The following TAS1R2 variants were observed in gnomAD, a reference collection of about 807,000 sequenced individuals.
TAS1R2 encodes the protein taste receptor type 1 member 2.
TAS1R2 carries 47 observed loss-of-function variants against 49.3 expected under a neutral mutation model. The ratio of observed to expected loss-of-function variants is 0.95; its 90% CI spans 0.75 to 1.22. TAS1R2 has a LOEUF of 1.22. Among genes scored for constraint, TAS1R2 ranks in the 50% most tolerant of loss-of-function variants. The probability of loss-of-function intolerance (pLI) is 0.00; values close to 1 mark genes in which losing one functional copy is unlikely to be tolerated. For missense variants in TAS1R2, 1,155 were observed against 1,122.1 expected, an observed-to-expected ratio of 1.03 and a Z score of -0.42; for synonymous variants, 479 against 467.9, an observed-to-expected ratio of 1.02 and a Z score of -0.31.
At chr1:18,842,047 T>C (rs1356667738) in intron 4 of TAS1R2, among the ~76,000 whole-genome samples, 195 bp from the exon 5 acceptor site, 2 of 151,968 alleles carry the variant, frequency 1.3e-5, no homozygotes, top group Non-Finnish European at 2.9e-5. Context: ...TTCTGAAATA[T>C]GCTCAGAGCA....
intron 1 of TAS1R2, 32 bp from the exon 2 acceptor site, chr1:18,857,663 C>G (rs754796967): frequency 6.3e-7 from 1 of 1,595,718 alleles, no homozygotes; most frequent in Non-Finnish European, 8.5e-7. Context: ...GAGGTGGAAG[C>G]AGATCCAGAA....
chr1:18,852,888 T>C (rs1266510756), intron 3 of TAS1R2, among the ~76,000 whole-genome samples: 1 of 152,238 alleles, frequency 6.6e-6, no homozygotes, highest in African/African-American at 2.4e-5. Flanking sequence ...TTATTAACTG[T>C]CCTCATCTCC....
intron 3 of TAS1R2, among the ~76,000 whole-genome samples, chr1:18,852,012 A>G (rs1275343447): frequency 6.6e-6 from 1 of 152,250 alleles, no homozygotes; most frequent in Admixed American, 6.5e-5. Context: ...TGTCCGGCAC[A>G]TAAGTGCCCA....
intron 4 of TAS1R2, among the ~76,000 whole-genome samples, chr1:18,843,208 G>T (rs1384509469): frequency 3.3e-5 from 5 of 152,194 alleles, no homozygotes; most frequent in Non-Finnish European, 7.3e-5. Context: ...GCTGGTCTAT[G>T]ATATTCATGA....
intron 1 of TAS1R2, among the ~76,000 whole-genome samples, chr1:18,857,870 A>T (rs757096102): frequency 6.6e-6 from 1 of 151,922 alleles, no homozygotes; most frequent in Non-Finnish European, 1.5e-5. Context: ...CATCACTACT[A>T]TCCCTATAAC....
chr1:18,851,919 G>A (rs1277383714), intron 3 of TAS1R2, among the ~76,000 whole-genome samples: 5 of 152,186 alleles, frequency 3.3e-5, no homozygotes, highest in Admixed American at 6.5e-5. Flanking sequence ...CTGTGTATGG[G>A]ACAGCAACCG....
intron 3 of TAS1R2, among the ~76,000 whole-genome samples, chr1:18,850,899 G>A (rs757882604): frequency 3.3e-5 from 5 of 152,146 alleles, no homozygotes; most frequent in African/African-American, 7.2e-5. Flanking sequence ...GCCAGCACTC[G>A]GTGTCAGAGA....
At chr1:18,853,045 G>A (rs1307198758) in intron 3 of TAS1R2, among the ~76,000 whole-genome samples, 1 of 152,236 alleles carries the variant, frequency 6.6e-6, no homozygotes, top group Non-Finnish European at 1.5e-5. Flanking sequence ...GCTCCTGCCA[G>A]TTGCAGCTGG....
At chr1:18,841,705 G>C in intron 5 of TAS1R2, 24 bp downstream of exon 5, 1 of 1,605,794 alleles carries the variant, frequency 6.2e-7, no homozygotes, top group Non-Finnish European at 8.5e-7. Flanking sequence ...GGCAGGGCAG[G>C]AGTGCTAGGC....
At chr1:18,843,252 A>G (rs1933858801) in intron 4 of TAS1R2, among the ~76,000 whole-genome samples, 1 of 152,242 alleles carries the variant, frequency 6.6e-6, no homozygotes, top group Non-Finnish European at 1.5e-5. Context: ...AGTAGAAAGT[A>G]GCAAGCACTT....
At chr1:18,858,293 C>G (rs1934177458) in intron 1 of TAS1R2, 1 of 152,080 alleles carries the variant, frequency 6.6e-6, no homozygotes, top group African/African-American at 2.4e-5. Flanking sequence ...TCAGCACCAT[C>G]ATCAGCATCA....
exon 4 of TAS1R2, chr1:18,849,518 A>G (rs1456152663): frequency 1.2e-6 from 2 of 1,614,062 alleles, no homozygotes; most frequent in Non-Finnish European, 1.7e-6. Flanking sequence ...GGTCCAGGAG[A>G]GTGAAGTTGA....
intron 2 of TAS1R2, among the ~76,000 whole-genome samples, chr1:18,855,769 C>A (rs1325940994): frequency 6.6e-6 from 1 of 152,204 alleles, no homozygotes; most frequent in Non-Finnish European, 1.5e-5. Flanking sequence ...CCACACCCTC[C>A]CCCATCTTGG....
intron 2 of TAS1R2, 61 bp downstream of exon 2, chr1:18,857,270 T>C: frequency 6.4e-7 from 1 of 1,551,004 alleles, no homozygotes; most frequent in Non-Finnish European, 8.7e-7. Context: ...TTCTGAGGCC[T>C]CTAGACAGCC....
chr1:18,840,092 T>C, exon 6 of TAS1R2: 1 of 1,614,214 alleles, frequency 6.2e-7, no homozygotes, highest in Non-Finnish European at 8.5e-7. Context: ...GTAGGGCCCC[T>C]GGTAGCGGAC....
chr1:18,843,506 T>C (rs1372733131), intron 4 of TAS1R2, among the ~76,000 whole-genome samples: 1 of 152,194 alleles, frequency 6.6e-6, no homozygotes, highest in Non-Finnish European at 1.5e-5. Flanking sequence ...CTCCTGGAAA[T>C]ACTACTGCAA....
At chr1:18,841,075 A>G (rs765220152) in intron 5 of TAS1R2, among the ~76,000 whole-genome samples, 2 of 152,256 alleles carry the variant, frequency 1.3e-5, no homozygotes, top group Non-Finnish European at 2.9e-5. Context: ...TGCTAGGCAC[A>G]TATTAAATAC....
At chr1:18,851,646 TGCTGTGATG>T (rs1385285554) in intron 3 of TAS1R2, among the ~76,000 whole-genome samples, 1 of 152,150 alleles carries the variant, frequency 6.6e-6, no homozygotes, top group East Asian at 1.9e-4. Context: ...TGAACAGTTT[TGCTGTGATG>T]GCCACAAATT....
At chr1:18,839,750 A>G (rs1933779411) in exon 6 of TAS1R2, 1 of 1,614,116 alleles carries the variant, frequency 6.2e-7, no homozygotes, top group South Asian at 1.1e-5. Context: ...GAGGTCCACG[A>G]TGGTGACCAG....
Sources: allele counts gnomAD v4.1 joint callset (sites outside exome capture counted in the v4.1 genomes callset), GRCh38; gene constraint gnomAD v4.1.1; transcripts MANE v1.5; gene names NCBI Gene and HGNC (gene_info 2026-07-23, HGNC 2026-07-21).